The following DNAH11 variants were observed in gnomAD, a reference collection of about 807,000 sequenced individuals.
The protein encoded by DNAH11 is dynein axonemal heavy chain 11.
Under a neutral mutation model 526.0 loss-of-function variants are expected in DNAH11, and 442 were observed. That is an observed-to-expected ratio of 0.84 (90% CI 0.78 to 0.91). The LOEUF is 0.91. DNAH11 is among the 40% of genes least tolerant of loss of function. DNAH11 has a pLI of 0.00. For missense variants in DNAH11, 6,989 were observed against 5,448.7 expected (o/e 1.28, Z -8.90); for synonymous variants, 2,461 against 1,935.9 (o/e 1.27, Z -7.12).
chr7:21,635,235 C>T (rs1461300700), intron 25 of DNAH11, among the ~76,000 whole-genome samples: 3 of 152,144 alleles, frequency 2.0e-5, no homozygotes, highest in Non-Finnish European at 4.4e-5. Context: ...CAGCTCACTG[C>T]AAGCTCCGCC....
chr7:21,900,922 TG>T, intron 81 of DNAH11, 84 bp from the exon 82 acceptor site: 2 of 1,425,348 alleles, frequency 1.4e-6, no homozygotes, highest in Non-Finnish European at 1.8e-6. Context: ...GAATGTTGAA[TG>T]TTTATTGCAT....
rs1785291494 is a variant in DNAH11 at position 21,606,566 on chromosome 7, T to A, written c.3765+24T>A. On this transcript the variant is annotated intron_variant, in intron 19 of 81. Coordinates refer to ENST00000409508, the MANE Select transcript of DNAH11 (RefSeq NM_001277115.2). ...ACGTAAGCTAGTTACCAAGTTTTTG[T>A]TTTAAGAAAGGTTTTACTAGGATAA... 3.8e-6 allele frequency: 6 copies of A among 1,590,648 alleles called. No homozygotes were observed. The African/African-American group carries it at 8.1e-5, about 21-fold the overall frequency.
chr7:21,676,586 T>C (rs1782900090), intron 30 of DNAH11, among the ~76,000 whole-genome samples: 1 of 152,222 alleles, frequency 6.6e-6, no homozygotes, highest in East Asian at 1.9e-4. Flanking sequence ...GTGCAGATTA[T>C]GTTGACAAGC....
chr7:21,613,098 T>C (rs1785598295), intron 20 of DNAH11, among the ~76,000 whole-genome samples: 1 of 152,118 alleles, frequency 6.6e-6, no homozygotes, highest in South Asian at 2.1e-4. Flanking sequence ...ACAAAATGAC[T>C]ATCAGAAGTA....
At chr7:21,585,832 G>T (rs1273195971) in intron 9 of DNAH11, among the ~76,000 whole-genome samples, 1 of 152,116 alleles carries the variant, frequency 6.6e-6, no homozygotes, top group African/African-American at 2.4e-5. Context: ...AAGAGAAGTG[G>T]AGCAAAATTA....
chr7:21,790,613 T>C (rs950943693), intron 61 of DNAH11, among the ~76,000 whole-genome samples: 7 of 152,082 alleles, frequency 4.6e-5, no homozygotes, highest in Non-Finnish European at 1.0e-4. Flanking sequence ...CCGAAGAAAT[T>C]AGAGGAAGTT....
At chr7:21,748,109 A>G (rs534887414) in intron 51 of DNAH11, among the ~76,000 whole-genome samples, 3 of 152,254 alleles carry the variant, frequency 2.0e-5, no homozygotes, top group African/African-American at 7.2e-5. Context: ...TTTGATGGGG[A>G]AACAAATGAA....
At chr7:21,731,135 A>G (rs1785365566) in intron 45 of DNAH11, among the ~76,000 whole-genome samples, 1 of 151,912 alleles carries the variant, frequency 6.6e-6, no homozygotes, top group Non-Finnish European at 1.5e-5. Flanking sequence ...CAAGAGTGAA[A>G]CTGTCTCCGA....
In DNAH11 at chr7:21,808,035, T is replaced by C. The variant is rs1341470435; in HGVS notation, c.10318T>C (p.Phe3440Leu). 2 of 1,541,806 alleles carry C rather than the reference T, an allele frequency of 1.3e-6. No homozygotes were observed. Among genetic ancestry groups the C allele is most frequent in the East Asian group, 4.6e-5 (2 of 43,212 alleles). ...QELVHCKWVP[F>L]LQQKVSIPLT... ...GCTGGTGCACTGCAAGTGGGTTCCC[T>C]TTCTTCAACAGAAGGTAAGTTCAGT... Residue 3440 changes from phenylalanine (F) to leucine (L), a missense_variant, in exon 63 of 82, where the codon TTT becomes CTT. Coordinates refer to ENST00000409508, the MANE Select transcript of DNAH11 (RefSeq NM_001277115.2).
At chr7:21,898,123 A>G (rs983416274) in intron 79 of DNAH11, among the ~76,000 whole-genome samples, 1 of 152,186 alleles carries the variant, frequency 6.6e-6, no homozygotes, top group Non-Finnish European at 1.5e-5. Context: ...TATATCAACA[A>G]TCACTTGTTT....
At chr7:21,823,186 A>G (rs1184054552) in intron 65 of DNAH11, among the ~76,000 whole-genome samples, 2 of 151,996 alleles carry the variant, frequency 1.3e-5, no homozygotes, top group Admixed American at 1.3e-4. Context: ...CTTATCCCCA[A>G]AATCTTTTAA....
intron 20 of DNAH11, among the ~76,000 whole-genome samples, chr7:21,610,898 A>G (rs1035777788): frequency 6.6e-5 from 10 of 152,232 alleles, no homozygotes; most frequent in African/African-American, 2.2e-4. Flanking sequence ...TGTTCTATTC[A>G]TACTTCCTGG....
Position 21,601,528 on chromosome 7 carries a change from TGA to T in DNAH11, c.3559_3560del (p.Asp1187Ter). 2 of 1,613,688 alleles carry T rather than the reference TGA, an allele frequency of 1.2e-6. No homozygotes were observed. ...CTGTAAGAAGCCGACAGAGAGCTACTGATGAACTCTTTGAACCTCTAAAAGAA... is the reference window on the plus strand; with the variant it reads ...CTGTAAGAAGCCGACAGAGAGCTACTTGAACTCTTTGAACCTCTAAAAGAA... ...LAVRSRQRATDELFEPLKETI... is the reference protein window; with the variant it reads ...LAVRSRQRATXELFEPLKETI... On this transcript the variant is annotated frameshift_variant, in exon 18 of 82. Transcript: ENST00000409508. LOFTEE classifies it high-confidence loss of function.
rs1784801762 is a variant in DNAH11, at chr7:21,901,134, G to A, written c.13431G>A (p.Glu4477=). 6.2e-7 allele frequency: 1 copy of A among 1,613,176 alleles called. No individual in the cohort carries two copies. The highest frequency in any genetic ancestry group is 1.3e-5 in the African/African-American group (1 of 74,864). ...GACAAGAAACCAAACAGACCTACGA[G>A]TGCCCTGTGTATAGAACCAAACTGA... ...VDRQETKQTY[E]CPVYRTKLRG... is the part of the protein sequence containing the mutation. Residue 4477 remains glutamate, a synonymous_variant, in exon 82 of 82, where the codon GAG becomes GAA. Coordinates refer to ENST00000409508, the MANE Select transcript of DNAH11 (RefSeq NM_001277115.2).
intron 34 of DNAH11, 111 bp downstream of exon 34, chr7:21,687,638 A>G: frequency 4.5e-6 from 6 of 1,326,970 alleles, no homozygotes; most frequent in Non-Finnish European, 6.1e-6. Context: ...GAAATAGATA[A>G]AGGAAGATTC....
At position 21,880,802 on chromosome 7, in the gene DNAH11, C is replaced by G. The variant is rs573509767; in HGVS notation, c.12296C>G (p.Pro4099Arg). The change falls in exon 75 of 82, where the codon CCC (proline) becomes CGC (arginine). Residue 4099 changes from proline to arginine, a missense_variant. Physicochemically the swap from Pro to Arg is moderately radical, Grantham distance 103 (BLOSUM62 -2). Transcript: ENST00000409508. ...GTTGCTGGGAGACTGAGGTTTGGCCCCCAGGGCTGGAGCCGAAGCTATCCT... is the reference window on the plus strand; with the variant it reads ...GTTGCTGGGAGACTGAGGTTTGGCCGCCAGGGCTGGAGCCGAAGCTATCCT... ...ACVAGRLRFG[P>R]QGWSRSYPFN... 3.1e-6 allele frequency: 5 copies of G among 1,613,958 alleles called. No individual in the cohort carries two copies. In the African/African-American group the frequency reaches 6.7e-5, roughly 22 times the overall value.
intron 65 of DNAH11, among the ~76,000 whole-genome samples, chr7:21,820,780 G>A (rs1055180457): frequency 2.6e-5 from 4 of 152,150 alleles, no homozygotes; most frequent in African/African-American, 7.2e-5. Context: ...AGTACCAATT[G>A]TTTTTAACTA....
At position 21,873,515 on chromosome 7, in the gene DNAH11, G is replaced by A. The variant is rs767186236; in HGVS notation, c.12195+14G>A. ...AACTTTGATCAGGTAAGAAAGCGAA[G>A]CAGGCTAGGCAGACAATGAAGTCAG... On this transcript the variant is annotated intron_variant, in intron 74 of 81. Coordinates refer to ENST00000409508, the MANE Select transcript of DNAH11 (RefSeq NM_001277115.2). 2 of 1,611,442 alleles carry A rather than the reference G, an allele frequency of 1.2e-6. No homozygotes were observed. Among genetic ancestry groups the A allele is most frequent in the South Asian group, 2.2e-5 (2 of 90,940 alleles).
intron 25 of DNAH11, among the ~76,000 whole-genome samples, chr7:21,626,132 C>T (rs1437115810): frequency 2.0e-5 from 3 of 152,072 alleles, no homozygotes; most frequent in East Asian, 1.9e-4. Context: ...ACTGTAGCCA[C>T]CCTACTGATC....
Sources: gnomAD v4.1 joint callset for allele counts (sites outside exome capture counted in the v4.1 genomes callset) on GRCh38, gnomAD v4.1.1 for gene constraint, MANE v1.5 for transcripts, NCBI Gene and HGNC (gene_info 2026-07-23, HGNC 2026-07-21) for gene names.